HMCN2: variants seen among roughly 807,000 people sequenced by gnomAD.
The protein encoded by HMCN2 is hemicentin 2, also known as hemicentin-2.
Under a neutral mutation model 377.5 loss-of-function variants are expected in HMCN2, and 325 were observed. The observed-to-expected ratio is 0.86, with a 90% CI of 0.79 to 0.94. The LOEUF (loss-of-function observed/expected upper bound fraction) is 0.94. HMCN2 is among the 40% of genes least tolerant of loss of function. HMCN2 has a pLI of 0.00. For missense variants in HMCN2, 4,543 were observed against 4,725.3 expected (o/e 0.96, Z 1.13); for synonymous variants, 2,007 against 2,046.8 (o/e 0.98, Z 0.53).
intron 39 of HMCN2, 55 bp downstream of exon 39, chr9:130,362,220 G>A (rs1181992250): frequency 4.1e-6 from 4 of 976,816 alleles, no homozygotes; most frequent in Admixed American, 6.2e-5. Flanking sequence ...CGTAGATGCT[G>A]GGAACAGAGG....
At chr9:130,379,587 G>T (rs2131628266) in intron 54 of HMCN2, 120 bp downstream of exon 54, 1 of 310,404 alleles carries the variant, frequency 3.2e-6, no homozygotes, top group Non-Finnish European at 4.7e-6. Flanking sequence ...GTAAACTGGG[G>T]CTACAAGTTC....
chr9:130,309,655 A>T (rs1165425629), intron 14 of HMCN2, among the ~76,000 whole-genome samples: 1 of 151,772 alleles, frequency 6.6e-6, no homozygotes, highest in Non-Finnish European at 1.5e-5. Context: ...GGGTCCAAAC[A>T]TGGAGTTCTT....
At chr9:130,376,124 G>A (rs541503044) in intron 51 of HMCN2, 135 bp downstream of exon 51, 3 of 186,516 alleles carry the variant, frequency 1.6e-5, no homozygotes, top group South Asian at 3.7e-4. Flanking sequence ...TCACCGGGCA[G>A]CTAGGGCGGG....
At chr9:130,346,175 C>T (rs1029310593) in intron 25 of HMCN2, among the ~76,000 whole-genome samples, 2 of 152,058 alleles carry the variant, frequency 1.3e-5, no homozygotes, top group Non-Finnish European at 2.9e-5. Context: ...GGTCAGGGGG[C>T]AGGTGAGAGC....
intron 21 of HMCN2, among the ~76,000 whole-genome samples, chr9:130,326,832 A>G (rs1178140183): frequency 2.6e-5 from 4 of 152,208 alleles, no homozygotes; most frequent in Admixed American, 6.5e-5. Flanking sequence ...GGTGAGAGAG[A>G]CGTGACATGC....
intron 1 of HMCN2, among the ~76,000 whole-genome samples, chr9:130,282,176 G>A (rs1458357875): frequency 1.3e-5 from 2 of 152,186 alleles, no homozygotes; most frequent in African/African-American, 4.8e-5. Flanking sequence ...GAGAACACCC[G>A]CTGGAGCCTG....
intron 32 of HMCN2, 40 bp downstream of exon 32, chr9:130,355,084 G>A: frequency 1.6e-6 from 2 of 1,233,576 alleles, no homozygotes; most frequent in Non-Finnish European, 1.0e-6. Flanking sequence ...CCTGGGCTGT[G>A]GACGTCTGCC....
intron 4 of HMCN2, among the ~76,000 whole-genome samples, chr9:130,289,635 G>A (rs548826743): frequency 3.4e-4 from 52 of 152,200 alleles, no homozygotes; most frequent in African/African-American, 1.2e-3. Flanking sequence ...GAAGCCCTTG[G>A]TAAGAGTTCA....
In HMCN2 at chr9:130,428,365, C is replaced by G. The variant is rs752861799; in HGVS notation, c.14073C>G (p.Asp4691Glu). ...GCCCTGATCTGCCCCCAGATGTGGA[C>G]GAGTGTGCGTGGGATGCTCACCTCT... The part of the protein sequence containing the change: ...AWDDRNCRDV[D>E]ECAWDAHLCR... The change falls in exon 93 of 98, where the codon GAC becomes GAG. Residue 4691 changes from aspartate (D) to glutamate (E), a missense_variant. Physicochemically the swap from Asp to Glu is conservative, Grantham distance 45 (BLOSUM62 2). Transcript: ENST00000683500. This position sits in a 1 kb window ranked among gnomAD's most constrained non-coding sequence, Gnocchi z 5.0. 1 of 1,546,690 alleles carries G rather than the reference C, an allele frequency of 6.5e-7. No individual in the cohort carries two copies. The highest frequency in any genetic ancestry group is 2.4e-5 in the East Asian group (1 of 40,880).
rs1271684490 is a variant in HMCN2, at chr9:130,385,622, G to A, written c.9169G>A (p.Asp3057Asn). The A allele has an allele frequency of 7.7e-7, 1 of 1,304,206 alleles. No individual in the cohort carries two copies. 80.8% of individuals were successfully genotyped at this position (1,304,206 alleles called of 1,614,324 possible). Residue 3057 changes from aspartate to asparagine, a missense_variant, in exon 60 of 98, where the codon GAC (aspartate) becomes AAC (asparagine). Transcript: ENST00000683500. ...PQDAVLVRVG[D>N]KAVLSCETDA... is the part of the protein sequence containing the mutation. ...GGATGCGGTCCTGGTGAGGGTCGGG[G>A]ACAAAGCTGTCCTGAGCTGCGAGAC...
chr9:130,386,120 T>G lies in HMCN2; in HGVS notation c.9310-323T>G, dbSNP rs115563172. Among the ~76,000 whole-genome samples, 748 of 152,238 alleles carry G rather than the reference T, an allele frequency of 4.9e-3. 6 individuals carry two copies. The highest frequency in any genetic ancestry group is 0.017 in the African/African-American group (696 of 41,544). On this transcript the variant is annotated intron_variant, in intron 60 of 97. Transcript: ENST00000683500. Reference sequence around the variant, plus strand: ...GAGTGGATTAGATGCTCACAGTGTTTGTTGGATGAATGTTTGCTGTCCCCC... The same window carrying G: ...GAGTGGATTAGATGCTCACAGTGTTGGTTGGATGAATGTTTGCTGTCCCCC...
At chr9:130,376,017 G>A (rs548923190) in intron 51 of HMCN2, 28 bp downstream of exon 51, 147 of 969,730 alleles carry the variant, frequency 1.5e-4, no homozygotes, top group East Asian at 3.4e-4. Context: ...GGGCACAGCC[G>A]GGTGGGCAGA....
chr9:130,269,266 CTTTTT>C (rs56326154), intron 1 of HMCN2, among the ~76,000 whole-genome samples: 6 of 116,558 alleles, frequency 5.1e-5, no homozygotes, highest in Admixed American at 8.7e-5. Flanking sequence ...GCCCTGGTTC[CTTTTT>C]TTTTTTTTTT....
rs1005323114 is a variant in HMCN2, at chr9:130,414,922, AACTGTCACC to A, written c.12962-3836_12962-3828del. Reference sequence around the variant, plus strand: ...GAACCACTGTGCCTGACCAAGACTGAACTGTCACCACTGTCACCACTGAGTGGGAAGCCC... The same window carrying A: ...GAACCACTGTGCCTGACCAAGACTGAACTGTCACCACTGAGTGGGAAGCCC... On this transcript the variant is annotated intron_variant, in intron 85 of 97. Coordinates refer to ENST00000683500, the MANE Select transcript of HMCN2 (RefSeq NM_001291815.2). This position sits in a 1 kb window ranked among gnomAD's most constrained non-coding sequence, Gnocchi z 4.4. Among the ~76,000 whole-genome samples the A allele has an allele frequency of 7.2e-5, 11 of 152,088 alleles. No individual in the cohort carries two copies. Among genetic ancestry groups the A allele is most frequent in the South Asian group, 2.1e-4 (1 of 4,816 alleles).
At chr9:130,310,647 G>A (rs1263844044) in intron 15 of HMCN2, among the ~76,000 whole-genome samples, 2 of 151,866 alleles carry the variant, frequency 1.3e-5, no homozygotes, top group African/African-American at 2.4e-5. Flanking sequence ...AACACCAGGA[G>A]GCGGGGGCTA....
intron 19 of HMCN2, among the ~76,000 whole-genome samples, chr9:130,322,841 C>T (rs1255893787): frequency 2.0e-5 from 3 of 152,204 alleles, no homozygotes; most frequent in African/African-American, 7.2e-5. Flanking sequence ...TGAGACATTT[C>T]AAATTAAATT....
chr9:130,416,384 C>T (rs192491152), intron 85 of HMCN2, among the ~76,000 whole-genome samples: 1 of 152,288 alleles, frequency 6.6e-6, no homozygotes, highest in Admixed American at 6.5e-5. Flanking sequence ...GGCTTACAGG[C>T]GTGAGTCACT....
chr9:130,394,992 GC>G lies in HMCN2; in HGVS notation c.10693-33del, dbSNP rs1842531623. Reference sequence around the variant, plus strand: ...CAGATTGGGAGGCGGGCAGAGAGGGGCCAGGGGCAGCTGCTCAACCCGCTCC... The same window carrying G: ...CAGATTGGGAGGCGGGCAGAGAGGGGCAGGGGCAGCTGCTCAACCCGCTCC... On this transcript the variant is annotated intron_variant, in intron 69 of 97. Transcript: ENST00000683500. The surrounding 1 kb of genome is among the most constrained non-coding windows in gnomAD (Gnocchi z 5.1). The G allele has an allele frequency of 8.1e-7, 1 of 1,242,098 alleles. No individual in the cohort carries two copies. The highest frequency in any genetic ancestry group is 1.0e-6 in the Non-Finnish European group (1 of 952,648). 76.9% of individuals were successfully genotyped at this position (1,242,098 alleles called of 1,614,324 possible). A position where few individuals can be genotyped will look rare whatever the true frequency, so the allele number is the denominator to read the frequency against.
chr9:130,313,604 C>CT (rs1166946807), intron 15 of HMCN2, among the ~76,000 whole-genome samples: 4 of 151,744 alleles, frequency 2.6e-5, no homozygotes, highest in South Asian at 4.2e-4. Context: ...GTGGGCACCC[C>CT]CCCCCATAAA....
Sources: allele counts gnomAD v4.1 joint callset (sites outside exome capture counted in the v4.1 genomes callset), GRCh38; gene constraint gnomAD v4.1.1; non-coding constraint Gnocchi (gnomAD v3.1); transcripts MANE v1.5; gene names NCBI Gene and HGNC (gene_info 2026-07-23, HGNC 2026-07-21).